The following CLGN variants were observed in gnomAD, a reference collection of about 807,000 sequenced individuals.
CLGN encodes testis tissue sperm-binding protein Li 79P.
Under a neutral mutation model 79.1 loss-of-function variants are expected in CLGN, and 62 were observed. The observed-to-expected ratio is 0.78, with a 90% confidence interval of 0.64 to 0.97. The LOEUF (loss-of-function observed/expected upper bound fraction) is 0.97. Ranked by LOEUF, CLGN falls within the 50% of genes least tolerant of loss-of-function variation. The pLI is 0.00. For synonymous variants in CLGN, 225 were observed against 224.7 expected (o/e 1.00, Z -0.01); for missense variants, 647 against 715.5 (o/e 0.90, Z 1.09).
chr4:140,416,721 C>T (rs1254676918), intron 1 of CLGN, among the ~76,000 whole-genome samples: 1 of 151,886 alleles, frequency 6.6e-6, no homozygotes, highest in Non-Finnish European at 1.5e-5. Flanking sequence ...GCTTACCAAC[C>T]AAAAAGAGTC....
At chr4:140,393,411 G>C (rs949139576) in intron 11 of CLGN, among the ~76,000 whole-genome samples, 1 of 151,960 alleles carries the variant, frequency 6.6e-6, no homozygotes, top group African/African-American at 2.4e-5. Flanking sequence ...GAAAAAACTG[G>C]AACAGAATTT....
chr4:140,401,113 C>G (rs1261609478), intron 6 of CLGN, among the ~76,000 whole-genome samples: 1 of 152,154 alleles, frequency 6.6e-6, no homozygotes, highest in African/African-American at 2.4e-5. Flanking sequence ...CACCCTGACT[C>G]AAATTTTTTA....
At chr4:140,414,090 A>G (rs1359944031) in intron 1 of CLGN, among the ~76,000 whole-genome samples, 1 of 152,254 alleles carries the variant, frequency 6.6e-6, no homozygotes, top group African/African-American at 2.4e-5. Flanking sequence ...GCAGGGGCAC[A>G]CTGACACCTC....
intron 13 of CLGN, among the ~76,000 whole-genome samples, chr4:140,391,776 C>T (rs930624808): frequency 6.6e-6 from 1 of 151,842 alleles, no homozygotes; most frequent in African/African-American, 2.4e-5. Context: ...TAAATTATTT[C>T]TTCTATATGA....
intron 5 of CLGN, among the ~76,000 whole-genome samples, chr4:140,404,740 G>A (rs191246697): frequency 6.6e-6 from 1 of 151,260 alleles, no homozygotes; most frequent in Non-Finnish European, 1.5e-5. Flanking sequence ...CTGCAGCCTC[G>A]ACTTCCTGGG....
rs565359925 is a variant in CLGN, at chr4:140,424,257, A to G, written c.-10+3280T>C. Among the ~76,000 whole-genome samples the G allele has an allele frequency of 6.6e-5, 10 of 152,004 alleles. No individual in the cohort carries two copies. The South Asian group carries it at 2.1e-3, about 32-fold the overall frequency. Reference sequence around the variant, plus strand: ...AGATGTTTTTCTAACTTTTCTTGAGACTTATTTGGCTCATTGTTCAAGAGT... The same window carrying G: ...AGATGTTTTTCTAACTTTTCTTGAGGCTTATTTGGCTCATTGTTCAAGAGT... On this transcript the variant is annotated intron_variant, in intron 1 of 14. Coordinates refer to ENST00000325617, the MANE Select transcript of CLGN (RefSeq NM_004362.3).
At chr4:140,407,764 G>A (rs942089496) in intron 4 of CLGN, among the ~76,000 whole-genome samples, 2 of 151,960 alleles carry the variant, frequency 1.3e-5, no homozygotes, top group African/African-American at 4.8e-5. Context: ...AGCGCCCAAA[G>A]CCATCTACAG....
intron 1 of CLGN, among the ~76,000 whole-genome samples, chr4:140,420,622 A>G (rs1021045481): frequency 1.3e-5 from 2 of 152,026 alleles, no homozygotes; most frequent in Non-Finnish European, 2.9e-5. Context: ...ATCATTCTTC[A>G]GTGCTGCACC....
chr4:140,395,159 G>GA (rs1728848236), intron 10 of CLGN, among the ~76,000 whole-genome samples: 1 of 147,456 alleles, frequency 6.8e-6, no homozygotes, highest in African/African-American at 2.5e-5. Flanking sequence ...TTGTTTTTTT[G>GA]TTTTTTTGTT....
chr4:140,390,601 C>T (rs1363556963), intron 14 of CLGN, 27 bp downstream of exon 14: 4 of 1,498,656 alleles, frequency 2.7e-6, no homozygotes, highest in Non-Finnish European at 3.6e-6. Context: ...AACAACTATA[C>T]ATAGAAACCA....
At chr4:140,417,699 A>C (rs1367821708) in intron 1 of CLGN, among the ~76,000 whole-genome samples, 1 of 152,128 alleles carries the variant, frequency 6.6e-6, no homozygotes, top group South Asian at 2.1e-4. Context: ...ATGAAATAAA[A>C]GAGGACACAA....
At chr4:140,421,598 A>AT (rs61049065) in intron 1 of CLGN, among the ~76,000 whole-genome samples, 13,701 of 152,110 alleles carry the variant, frequency 0.09, 986 homozygotes, top group African/African-American at 0.2. Flanking sequence ...CTATTTATAC[A>AT]TCTTCAAGGG....
intron 4 of CLGN, 145 bp from the exon 5 acceptor site, chr4:140,406,228 A>G: frequency 1.4e-6 from 1 of 690,432 alleles, no homozygotes; most frequent in Non-Finnish European, 2.4e-6. Context: ...ATCTTCAACT[A>G]TATATGTATG....
rs1234708350 is a variant in CLGN, at chr4:140,410,539, G to T, written c.218+14C>A. The T allele has an allele frequency of 6.4e-7, 1 of 1,559,120 alleles. No homozygotes were observed. The highest frequency in any genetic ancestry group is 1.7e-5 in the Admixed American group (1 of 59,592). ...AATAAATCAAAGAAAACATTCTCTTGAATGAATACTCACCCAGCCAACCTT... is the reference window on the plus strand; with the variant it reads ...AATAAATCAAAGAAAACATTCTCTTTAATGAATACTCACCCAGCCAACCTT... On this transcript the variant is annotated intron_variant, in intron 3 of 14. Coordinates refer to ENST00000325617, the MANE Select transcript of CLGN (RefSeq NM_004362.3).
intron 8 of CLGN, 48 bp from the exon 9 acceptor site, chr4:140,396,253 A>T (rs1728872355): frequency 7.1e-7 from 1 of 1,409,350 alleles, no homozygotes. Flanking sequence ...AAGTTTAAAA[A>T]TGCATGTTAC....
chr4:140,397,681 G>A (rs945819017), intron 8 of CLGN, among the ~76,000 whole-genome samples: 1 of 152,050 alleles, frequency 6.6e-6, no homozygotes, highest in African/African-American at 2.4e-5. Flanking sequence ...TGAGGCGGGA[G>A]GATCACGAGA....
rs1728756436 is a variant in CLGN at position 140,390,676 on chromosome 4, T to A, written c.1704A>T (p.Glu568Asp). The change falls in exon 14 of 15, where the codon GAA (glutamate) becomes GAT (aspartate). Residue 568 changes from glutamate to aspartate, a missense_variant. By Grantham distance (45) the Glu-to-Asp change is conservative. Coordinates refer to ENST00000325617, the MANE Select transcript of CLGN (RefSeq NM_004362.3). ...TTGATTGATTACTTTCTTCTTGCCC[T>A]TCTATGATTTCAATTTCTTCTTCAC... ...EKSEEEIEII[E>D]GQEESNQSNK... 6.2e-7 allele frequency: 1 copy of A among 1,605,616 alleles called. No homozygotes were observed. The highest frequency in any genetic ancestry group is 8.5e-7 in the Non-Finnish European group (1 of 1,175,090).
chr4:140,396,910 T>TATATATATATATATACAC (rs1560740059), intron 8 of CLGN, among the ~76,000 whole-genome samples: 6 of 132,052 alleles, frequency 4.5e-5, no homozygotes, highest in African/African-American at 9.5e-5. Flanking sequence ...TATATATGTA[T>TATATATATATATATACAC]ATATATATAT....
chr4:140,398,945 G>A lies in CLGN; in HGVS notation c.790C>T (p.Pro264Ser), dbSNP rs773210960. Residue 264 changes from proline to serine, a missense_variant, in exon 8 of 15, where the codon CCC becomes TCC. Coordinates refer to ENST00000325617, the MANE Select transcript of CLGN (RefSeq NM_004362.3). ...TCATTGGGATCTTCAATTTCTTTGG[G>A]AGGTTTGATAGGAGGAACCACATCC... Reference protein sequence around the residue: ...LEDVVPPIKPPKEIEDPNDKK... With the variant: ...LEDVVPPIKPSKEIEDPNDKK... The A allele has an allele frequency of 3.7e-6, 6 of 1,613,824 alleles. No homozygotes were observed. Among genetic ancestry groups the A allele is most frequent in the Non-Finnish European group, 5.1e-6 (6 of 1,179,848 alleles).
Sources: gnomAD v4.1 joint callset for allele counts (sites outside exome capture counted in the v4.1 genomes callset) on GRCh38, gnomAD v4.1.1 for gene constraint, MANE v1.5 for transcripts, NCBI Gene and HGNC (gene_info 2026-07-23, HGNC 2026-07-21) for gene names.